The following PCLO variants were observed in gnomAD, a reference collection of about 807,000 sequenced individuals.
PCLO encodes the protein piccolo presynaptic cytomatrix protein, also known as protein piccolo.
PCLO carries 82 observed loss-of-function variants against 427.5 expected under a neutral mutation model. The ratio of observed to expected loss-of-function variants is 0.19; its 90% CI spans 0.16 to 0.23. The LOEUF (loss-of-function observed/expected upper bound fraction) is 0.23. Among genes scored for constraint, PCLO ranks in the 10% least tolerant of loss-of-function variants. PCLO has a pLI of 1.00. For missense variants in PCLO, 6,239 were observed against 6,115.9 expected (o/e 1.02, Z -0.67); for synonymous variants, 2,357 against 2,155.4 (o/e 1.09, Z -2.59).
In PCLO at chr7:83,155,068, C is replaced by T. The variant is rs764257691; in HGVS notation, c.1573G>A (p.Gly525Ser). The T allele has an allele frequency of 1.2e-6, 2 of 1,605,858 alleles. No individual in the cohort carries two copies. Among genetic ancestry groups the T allele is most frequent in the South Asian group, 2.2e-5 (2 of 90,516 alleles). The change falls in exon 2 of 25, where the codon GGC becomes AGC. Residue 525 changes from glycine to serine, a missense_variant. Gly to Ser is a moderately conservative substitution (Grantham distance 56, BLOSUM62 0). Around this residue, in one of 5 missense-constraint regions of PCLO, gnomAD observed 4,677 missense variants for 4,468.4 expected, o/e 1.05. Coordinates refer to ENST00000333891, the MANE Select transcript of PCLO (RefSeq NM_033026.6). ...TGTTGAGATGGGGGTTTTGTTGAGCCAGGCTGTTGAGGTGAGGGCTTTGCT... is the reference window on the plus strand; with the variant it reads ...TGTTGAGATGGGGGTTTTGTTGAGCTAGGCTGTTGAGGTGAGGGCTTTGCT... ...GPAKPSPQQP[G>S]STKPPSQQPG...
intron 9 of PCLO, among the ~76,000 whole-genome samples, chr7:82,880,730 A>G (rs924806139): frequency 6.6e-6 from 1 of 152,172 alleles, no homozygotes; most frequent in Non-Finnish European, 1.5e-5. Flanking sequence ...ATGTCAACAG[A>G]GCCAAGGTTG....
chr7:83,119,616 C>T lies in PCLO; in HGVS notation c.3300+14634G>A, dbSNP rs117582333. On this transcript the variant is annotated intron_variant, in intron 3 of 24. Coordinates refer to ENST00000333891, the MANE Select transcript of PCLO (RefSeq NM_033026.6). The stretch of plus-strand genomic sequence containing the variant: ...AGATTAGAATAAATACTGAATTCCT[C>T]GATGCCCAGACATCAATGAACATCC... Among the ~76,000 whole-genome samples, 268 of 152,042 alleles carry T rather than the reference C, an allele frequency of 1.8e-3. 1 individual carries two copies. The highest frequency in any genetic ancestry group is 3.2e-3 in the Non-Finnish European group (215 of 67,982).
At chr7:82,782,798 A>G (rs1024465) in intron 22 of PCLO, among the ~76,000 whole-genome samples, 128,521 of 152,190 alleles carry the variant, frequency 0.84, 54,359 homozygotes, top group East Asian at 0.93. Flanking sequence ...TGTCTTATAT[A>G]TTAGTATATA....
intron 3 of PCLO, among the ~76,000 whole-genome samples, chr7:83,112,570 A>C (rs1414204077): frequency 2.6e-5 from 4 of 152,188 alleles, no homozygotes; most frequent in African/African-American, 9.7e-5. Flanking sequence ...ATTTCAGAGA[A>C]TATTTCTCAT....
chr7:83,059,116 T>C (rs560024001), intron 3 of PCLO, among the ~76,000 whole-genome samples: 22 of 150,700 alleles, frequency 1.5e-4, no homozygotes, highest in African/African-American at 4.9e-4. Context: ...ATACTATATA[T>C]GAGATATAGT....
At chr7:82,771,553 G>A (rs1243554417) in intron 22 of PCLO, among the ~76,000 whole-genome samples, 2 of 151,848 alleles carry the variant, frequency 1.3e-5, no homozygotes, top group East Asian at 3.9e-4. Flanking sequence ...GTAAACTTCT[G>A]TCATTATATC....
At chr7:83,086,706 A>G (rs1790242451) in intron 3 of PCLO, among the ~76,000 whole-genome samples, 1 of 152,086 alleles carries the variant, frequency 6.6e-6, no homozygotes, top group South Asian at 2.1e-4. Flanking sequence ...AAATCCTTTG[A>G]TTGAATAATT....
intron 1 of PCLO, among the ~76,000 whole-genome samples, chr7:83,160,378 G>A (rs573401504): frequency 5.9e-5 from 9 of 151,966 alleles, no homozygotes; most frequent in Non-Finnish European, 7.4e-5. Flanking sequence ...TGTGTATGCC[G>A]TCCTATATTA....
chr7:82,779,408 A>G (rs1388239725), intron 22 of PCLO, among the ~76,000 whole-genome samples: 2 of 152,152 alleles, frequency 1.3e-5, no homozygotes, highest in Admixed American at 6.5e-5. Context: ...TGTAAACAAC[A>G]TGTAGTTAGA....
chr7:83,087,824 GT>G (rs1208269131), intron 3 of PCLO, among the ~76,000 whole-genome samples: 5 of 152,040 alleles, frequency 3.3e-5, no homozygotes, highest in Non-Finnish European at 7.4e-5. Flanking sequence ...GCTTAATATA[GT>G]TTTGACATAA....
rs184867274 is a variant in PCLO, at chr7:82,990,447, G to A, written c.3301-23960C>T. Among the ~76,000 whole-genome samples the A allele has an allele frequency of 7.9e-5, 12 of 152,082 alleles. No individual in the cohort carries two copies. In the East Asian group the frequency reaches 2.1e-3, roughly 27 times the overall value. On this transcript the variant is annotated intron_variant, in intron 3 of 24. Coordinates refer to ENST00000333891, the MANE Select transcript of PCLO (RefSeq NM_033026.6). Reference sequence around the variant, plus strand: ...TACTCTCACCTTTTATATACCCACTGGATCTTGTATATAGTGGGACCTATC... The same window carrying A: ...TACTCTCACCTTTTATATACCCACTAGATCTTGTATATAGTGGGACCTATC...
intron 3 of PCLO, among the ~76,000 whole-genome samples, chr7:83,029,161 G>A (rs531129952): frequency 1.2e-3 from 177 of 149,390 alleles, no homozygotes; most frequent in African/African-American, 4.1e-3. Flanking sequence ...TACCATCAGA[G>A]TGAACAGGCA....
Position 82,954,237 on chromosome 7 carries a change from T to C in PCLO, c.6716A>G (p.Tyr2239Cys), listed in dbSNP as rs1235231637. The change falls in exon 5 of 25, where the codon TAT (tyrosine) becomes TGT (cysteine). Residue 2239 changes from tyrosine (Y) to cysteine (C), a missense_variant. By Grantham distance (194) the Tyr-to-Cys change is radical. Transcript: ENST00000333891. ...STYFPGSIID[Y>C]PEEISVSLDR... Reference sequence around the variant, plus strand: ...TAAAGATACACTTATTTCTTCTGGATAGTCTATAATGCTGCCTGGAAAATA... The same window carrying C: ...TAAAGATACACTTATTTCTTCTGGACAGTCTATAATGCTGCCTGGAAAATA... 7 of 1,613,632 alleles carry C rather than the reference T, an allele frequency of 4.3e-6. No homozygotes were observed. The African/African-American group carries it at 9.3e-5, about 22-fold the overall frequency.
chr7:82,873,179 G>GTTTTTTT (rs59328364), intron 10 of PCLO, among the ~76,000 whole-genome samples: 1 of 110,126 alleles, frequency 9.1e-6, no homozygotes, highest in African/African-American at 3.6e-5. Context: ...TATTCTGTAA[G>GTTTTTTT]TTTTTTTTTT....
At chr7:82,880,327 G>C in intron 9 of PCLO, 3 of 346,832 alleles carry the variant, frequency 8.6e-6, no homozygotes, top group South Asian at 6.8e-5. Context: ...TTAATGCATA[G>C]TGGTTTTAAG....
Position 82,879,343 on chromosome 7 carries a change from T to C in PCLO, c.13648A>G (p.Met4550Val), listed in dbSNP as rs1793446106. 3 of 1,609,114 alleles carry C rather than the reference T, an allele frequency of 1.9e-6. No homozygotes were observed. Among genetic ancestry groups the C allele is most frequent in the Admixed American group, 1.7e-5 (1 of 59,142 alleles). ...TAAAATTCCTTATTCTTACCTTCCA[T>C]AAGCTTCCCCGTCTGTTCCGCACTT... ...GGSAEQTGKL[M>V]EGMQVLEWNG... The change falls in exon 10 of 25, where the codon ATG (methionine) becomes GTG (valine). Residue 4550 changes from methionine to valine, a missense_variant. Around this residue, in one of 5 missense-constraint regions of PCLO, gnomAD observed 877 missense variants for 925.5 expected, o/e 0.95. Transcript: ENST00000333891.
chr7:82,986,188 G>A (rs918538405), intron 3 of PCLO, among the ~76,000 whole-genome samples: 1 of 151,772 alleles, frequency 6.6e-6, no homozygotes, highest in Non-Finnish European at 1.5e-5. Flanking sequence ...AAGGATCACT[G>A]GAAACATAAA....
intron 3 of PCLO, among the ~76,000 whole-genome samples, chr7:83,087,403 T>C (rs1790265363): frequency 6.6e-6 from 1 of 151,848 alleles, no homozygotes; most frequent in South Asian, 2.1e-4. Context: ...TCACCACCAC[T>C]ATGCAATTCA....
chr7:83,133,422 T>A (rs1321830274), intron 3 of PCLO, among the ~76,000 whole-genome samples: 1 of 152,088 alleles, frequency 6.6e-6, no homozygotes, highest in Non-Finnish European at 1.5e-5. Flanking sequence ...TAGTCTCCCA[T>A]GATTTAAATA....
Sources: allele counts gnomAD v4.1 joint callset (sites outside exome capture counted in the v4.1 genomes callset), GRCh38; gene constraint gnomAD v4.1.1; regional missense constraint gnomAD v4.1.1; transcripts MANE v1.5; gene names NCBI Gene and HGNC (gene_info 2026-07-23, HGNC 2026-07-21).